The following BANP variants were observed in gnomAD, a reference collection of about 807,000 sequenced individuals.
BANP encodes the protein BTG3 associated nuclear protein.
A neutral mutation model predicts 68.1 loss-of-function variants in BANP; 11 were observed. That is an observed-to-expected ratio of 0.16 (90% CI 0.10 to 0.27). The LOEUF is 0.27. Ranked by LOEUF, BANP falls within the 10% of genes least tolerant of loss-of-function variation. The pLI is 1.00. For missense variants in BANP, 504 were observed against 722.7 expected (o/e 0.70, Z 3.47); for synonymous variants, 329 against 303.2 (o/e 1.09, Z -0.88).
In BANP at chr16:88,036,644, G is replaced by A. The variant is rs566309557; in HGVS notation, c.1272+1250G>A. 2.6e-5 allele frequency among the ~76,000 whole-genome samples: 4 copies of A among 152,270 alleles called. No individual in the cohort carries two copies. The highest frequency in any genetic ancestry group is 4.1e-4 in the South Asian group (2 of 4,826). ...GCGGAATGAGGATGAGGTGAAAGGG[G>A]AGGAACGAATTCATGTGGGGGCCGT... On this transcript the variant is annotated intron_variant, in intron 10 of 13. Transcript: ENST00000682872. This position sits in a 1 kb window ranked among gnomAD's most constrained non-coding sequence, Gnocchi z 4.2.
Position 88,064,441 on chromosome 16 carries a change from T to G in BANP, c.1312-826T>G, listed in dbSNP as rs78116295. ...TGGAGGACAGATGTGCGCATTCACT[T>G]AGGGTCCAAGAAATGAGTGGGCCTT... On this transcript the variant is annotated intron_variant, in intron 11 of 13. Transcript: ENST00000682872. The surrounding 1 kb of genome is among the most constrained non-coding windows in gnomAD (Gnocchi z 4.5). Among the ~76,000 whole-genome samples the G allele has an allele frequency of 1.3e-3, 197 of 152,256 alleles. No homozygotes were observed. The highest frequency in any genetic ancestry group is 4.2e-3 in the African/African-American group (174 of 41,558).
rs147586941 is a variant in BANP at position 88,054,742 on chromosome 16, A to T, written c.1312-10525A>T. 1.1e-4 allele frequency among the ~76,000 whole-genome samples: 17 copies of T among 152,330 alleles called. No homozygotes were observed. The East Asian group carries it at 3.3e-3, about 29-fold the overall frequency. The stretch of plus-strand genomic sequence containing the variant: ...CTTTGCCTAGCTCATAGGAATATTT[A>T]TGGAGGGTCAGTGGGCATGGCTTCT... On this transcript the variant is annotated intron_variant, in intron 11 of 13. Coordinates refer to ENST00000682872, the MANE Select transcript of BANP (RefSeq NM_001386991.1).
chr16:87,973,493 GC>G (rs2061478955), intron 1 of BANP, among the ~76,000 whole-genome samples: 1 of 152,144 alleles, frequency 6.6e-6, no homozygotes. Flanking sequence ...GGGCGCGGTG[GC>G]TCACGCCTGT....
intron 13 of BANP, among the ~76,000 whole-genome samples, chr16:88,074,855 C>T (rs1221542170): frequency 1.3e-5 from 2 of 152,178 alleles, no homozygotes; most frequent in African/African-American, 4.8e-5. Context: ...CCTGGAAGGC[C>T]CCTCCTCCAT....
chr16:88,045,197 C>A (rs1390428570), intron 11 of BANP, among the ~76,000 whole-genome samples: 1 of 152,076 alleles, frequency 6.6e-6, no homozygotes, highest in East Asian at 1.9e-4. Context: ...TAGGATTATC[C>A]GTGTCACTTG....
At chr16:88,045,867 G>A (rs1233591553) in intron 11 of BANP, among the ~76,000 whole-genome samples, 1 of 152,190 alleles carries the variant, frequency 6.6e-6, no homozygotes, top group African/African-American at 2.4e-5. Context: ...GGGATTGGCA[G>A]TGTCGCTTCC....
At chr16:88,030,523 C>T (rs2077945372) in intron 8 of BANP, among the ~76,000 whole-genome samples, 2 of 152,178 alleles carry the variant, frequency 1.3e-5, no homozygotes, top group African/African-American at 2.4e-5. Context: ...CTTGCCAGGA[C>T]CTTAGTGAGC....
chr16:87,998,495 C>G (rs934340805), intron 4 of BANP, among the ~76,000 whole-genome samples: 4 of 152,254 alleles, frequency 2.6e-5, no homozygotes, highest in African/African-American at 7.2e-5. Context: ...GTGCTGCCGA[C>G]CCGGCTCCTG....
chr16:87,968,245 A>T (rs2060451030), intron 1 of BANP, among the ~76,000 whole-genome samples: 3 of 151,540 alleles, frequency 2.0e-5, no homozygotes, highest in Non-Finnish European at 4.4e-5. Flanking sequence ...GCACTTTGGG[A>T]GACCGAGGTG....
intron 1 of BANP, among the ~76,000 whole-genome samples, chr16:87,967,868 G>A (rs1355783385): frequency 6.6e-6 from 1 of 151,698 alleles, no homozygotes; most frequent in Non-Finnish European, 1.5e-5. Flanking sequence ...TGATCTGCCC[G>A]CCTTGGCCCC....
chr16:88,076,909 G>A lies in BANP; in HGVS notation c.*248G>A, dbSNP rs1322918760. The A allele has an allele frequency of 1.2e-5, 6 of 495,000 alleles. No individual in the cohort carries two copies. The highest frequency in any genetic ancestry group is 3.2e-5 in the South Asian group (1 of 31,510). The allele number at this position is 495,000 out of a possible 1,614,324, so 30.7% of individuals were successfully genotyped here. ...CGGAGCACGAGGGGAGGCACGGTGC[G>A]GAGAGCGTCGCATATGCGCGGGAAA... is the stretch of plus-strand genomic sequence containing the variant. On this transcript the variant is annotated 3_prime_UTR_variant, in exon 14 of 14. Transcript: ENST00000682872.
intron 2 of BANP, 95 bp downstream of exon 2, chr16:87,975,280 A>G (rs974016727): frequency 2.4e-5 from 29 of 1,233,718 alleles, no homozygotes; most frequent in Non-Finnish European, 3.3e-5. Flanking sequence ...TAAGCAGAAG[A>G]AAAAGTAATG....
chr16:88,064,124 C>T lies in BANP; in HGVS notation c.1312-1143C>T, dbSNP rs184166890. On this transcript the variant is annotated intron_variant, in intron 11 of 13. Coordinates refer to ENST00000682872, the MANE Select transcript of BANP (RefSeq NM_001386991.1). This position sits in a 1 kb window ranked among gnomAD's most constrained non-coding sequence, Gnocchi z 4.5. ...CAAGCAGGCACCGGCGCTGGGGGACCAGGGTCAGGGGGCTCTCTTCAGAGA... is the reference window on the plus strand; with the variant it reads ...CAAGCAGGCACCGGCGCTGGGGGACTAGGGTCAGGGGGCTCTCTTCAGAGA... Among the ~76,000 whole-genome samples the T allele has an allele frequency of 7.8e-4, 117 of 149,834 alleles. No homozygotes were observed. Among genetic ancestry groups the T allele is most frequent in the South Asian group, 1.9e-3 (9 of 4,748 alleles).
rs1205160319 is a variant in BANP at position 88,064,471 on chromosome 16, G to A, written c.1312-796G>A. 2.0e-5 allele frequency among the ~76,000 whole-genome samples: 3 copies of A among 152,238 alleles called. No homozygotes were observed. The highest frequency in any genetic ancestry group is 7.2e-5 in the African/African-American group (3 of 41,466). ...TCCAAGAAATGAGTGGGCCTTGAAT[G>A]AGCAAAACAACCCACCTGCCTCCCA... is the stretch of plus-strand genomic sequence containing the variant. On this transcript the variant is annotated intron_variant, in intron 11 of 13. Coordinates refer to ENST00000682872, the MANE Select transcript of BANP (RefSeq NM_001386991.1). The surrounding 1 kb of genome is among the most constrained non-coding windows in gnomAD (Gnocchi z 4.5).
At chr16:87,978,953 A>G (rs1441280900) in intron 2 of BANP, among the ~76,000 whole-genome samples, 1 of 152,204 alleles carries the variant, frequency 6.6e-6, no homozygotes, top group African/African-American at 2.4e-5. Context: ...AATTGACTAC[A>G]AAAACAATGT....
chr16:88,046,495 G>T (rs914069337), intron 11 of BANP, among the ~76,000 whole-genome samples: 2 of 152,082 alleles, frequency 1.3e-5, no homozygotes, highest in African/African-American at 4.8e-5. Context: ...TGCAGTCTTG[G>T]GTGGGAGTTG....
chr16:88,063,635 G>A (rs2087572746), intron 11 of BANP, among the ~76,000 whole-genome samples: 1 of 152,190 alleles, frequency 6.6e-6, no homozygotes, highest in Non-Finnish European at 1.5e-5. Context: ...TCCGATCACA[G>A]CTGTTCTTAA....
upstream of BANP, chr16:87,950,716 G>A (rs1253729122): frequency 1.3e-5 from 2 of 152,294 alleles, no homozygotes; most frequent in Non-Finnish European, 2.9e-5. Context: ...GATTACAGGC[G>A]TGATCCACCG....
At chr16:88,037,877 C>T (rs2079752259) in intron 10 of BANP, 96 bp from the exon 11 acceptor site, 2 of 1,238,786 alleles carry the variant, frequency 1.6e-6, no homozygotes, top group East Asian at 4.7e-5. Context: ...TTGTTATTCT[C>T]AAGTGGCCTG....
Sources: gnomAD v4.1 joint callset for allele counts (sites outside exome capture counted in the v4.1 genomes callset) on GRCh38, gnomAD v4.1.1 for gene constraint, Gnocchi (gnomAD v3.1) non-coding constraint, MANE v1.5 for transcripts, NCBI Gene and HGNC (gene_info 2026-07-23, HGNC 2026-07-21) for gene names.